DYRK1A: variants seen among roughly 807,000 people sequenced by gnomAD.
DYRK1A encodes the protein dual specificity tyrosine-phosphorylation-regulated kinase 1A.
A neutral mutation model predicts 79.7 loss-of-function variants in DYRK1A; 9 were observed. That is an observed-to-expected ratio of 0.11 (90% CI 0.07 to 0.20). The LOEUF is 0.20. Among genes scored for constraint, DYRK1A ranks in the 10% least tolerant of loss-of-function variants. The pLI, the probability that DYRK1A is intolerant of heterozygous loss-of-function variation, is 1.00. For missense variants in DYRK1A, 622 were observed against 956.0 expected (o/e 0.65, Z 4.61); for synonymous variants, 349 against 329.7 (o/e 1.06, Z -0.63).
chr21:37,473,001 T>A, intron 3 of DYRK1A, 121 bp downstream of exon 3: 1 of 761,948 alleles, frequency 1.3e-6, no homozygotes, highest in Non-Finnish European at 1.9e-6. Flanking sequence ...CGTGGGATTA[T>A]GGATTGGGAA....
Position 37,463,350 on chromosome 21 carries a change from C to G in DYRK1A, c.11-9334C>G, listed in dbSNP as rs116610875. Among the ~76,000 whole-genome samples, 715 of 152,290 alleles carry G rather than the reference C, an allele frequency of 4.7e-3. 4 individuals carry two copies. Among genetic ancestry groups the G allele is most frequent in the African/African-American group, 0.016 (680 of 41,556 alleles). On this transcript the variant is annotated intron_variant, in intron 2 of 11. Coordinates refer to ENST00000647188, the MANE Select transcript of DYRK1A (RefSeq NM_001347721.2). ...ATTAGACTTTTTGCATAGTCACAGT[C>G]ATTGCTTACTTTCACTTTAATATAT...
intron 1 of DYRK1A, among the ~76,000 whole-genome samples, chr21:37,388,492 A>C (rs750223531): frequency 6.6e-6 from 1 of 152,210 alleles, no homozygotes. Context: ...TTCCTTTGTC[A>C]TACCTTTAAA....
intron 1 of DYRK1A, among the ~76,000 whole-genome samples, chr21:37,376,682 C>G (rs2049548792): frequency 1.3e-5 from 2 of 152,130 alleles, no homozygotes; most frequent in African/African-American, 4.8e-5. Context: ...TGATTAACTA[C>G]TGGACTAGAG....
intron 1 of DYRK1A, among the ~76,000 whole-genome samples, chr21:37,391,763 C>T (rs1484119915): frequency 6.6e-6 from 1 of 152,184 alleles, no homozygotes; most frequent in African/African-American, 2.4e-5. Flanking sequence ...TGCAGTTCTG[C>T]CATCTTCCCT....
rs1464544115 is a variant in DYRK1A, at chr21:37,422,783, C to T, written c.10+2399C>T. 3.3e-5 allele frequency among the ~76,000 whole-genome samples: 5 copies of T among 152,144 alleles called. No homozygotes were observed. The East Asian group carries it at 9.6e-4, about 29-fold the overall frequency. On this transcript the variant is annotated intron_variant, in intron 2 of 11. Transcript: ENST00000647188. ...TTAATATATACACAATTTTTATTTTCCAGTTATAACTCAATAAAGCTGGTG... is the reference window on the plus strand; with the variant it reads ...TTAATATATACACAATTTTTATTTTTCAGTTATAACTCAATAAAGCTGGTG...
chr21:37,389,049 A>AT (rs555751812), intron 1 of DYRK1A, among the ~76,000 whole-genome samples: 6 of 148,442 alleles, frequency 4.0e-5, no homozygotes, highest in African/African-American at 5.0e-5. Context: ...AAAAAAAAAA[A>AT]TTTTTTTTTT....
rs1455582542 is a variant in DYRK1A, at chr21:37,518,382, C to A, written c.*5851C>A. ...CTCTAGTGATCGCAAACTGCTCAAT[C>A]GGTACTCATCAATTTAAAATGACTG... On this transcript the variant is annotated 3_prime_UTR_variant, in exon 12 of 12. Transcript: ENST00000647188. 6.6e-6 allele frequency: 1 copy of A among 152,280 alleles called. No individual in the cohort carries two copies. Among genetic ancestry groups the A allele is most frequent in the Admixed American group, 6.5e-5 (1 of 15,296 alleles). The allele number at this position is 152,280 out of a possible 1,614,324, so 9.4% of individuals were successfully genotyped here.
intron 1 of DYRK1A, among the ~76,000 whole-genome samples, chr21:37,417,455 A>G (rs1320976814): frequency 6.6e-6 from 1 of 150,500 alleles, no homozygotes; most frequent in Admixed American, 6.6e-5. Flanking sequence ...CGGCCTCCCA[A>G]AGTGCTGGGA....
At chr21:37,492,974 GT>G (rs1367206416) in intron 7 of DYRK1A, 42 bp from the exon 8 acceptor site, 1 of 1,511,980 alleles carries the variant, frequency 6.6e-7, no homozygotes, top group East Asian at 2.3e-5. Context: ...GCTGACTGCA[GT>G]TTTAAGCAAT....
chr21:37,479,612 GTT>G (rs367673016), intron 4 of DYRK1A, among the ~76,000 whole-genome samples: 1 of 47,160 alleles, frequency 2.1e-5, no homozygotes, highest in Non-Finnish European at 3.7e-5. Flanking sequence ...TTTTGTTTTT[GTT>G]TTTTGTTTTT....
chr21:37,491,049 T>C (rs943426233), intron 7 of DYRK1A, among the ~76,000 whole-genome samples: 4 of 152,174 alleles, frequency 2.6e-5, no homozygotes, highest in Non-Finnish European at 5.9e-5. Context: ...GGTATAAGTA[T>C]AGAAAATTCA....
chr21:37,505,037 G>T (rs2053553685), intron 9 of DYRK1A: 1 of 437,070 alleles, frequency 2.3e-6, no homozygotes, highest in African/African-American at 2.0e-5. Flanking sequence ...TCTGGATCAG[G>T]CCATAGTTTA....
At chr21:37,414,607 A>C (rs1264865338) in intron 1 of DYRK1A, among the ~76,000 whole-genome samples, 1 of 152,156 alleles carries the variant, frequency 6.6e-6, no homozygotes, top group East Asian at 1.9e-4. Context: ...TTTACATACT[A>C]CATACTAAAG....
chr21:37,397,194 C>T (rs144209133), intron 1 of DYRK1A, among the ~76,000 whole-genome samples: 1 of 152,246 alleles, frequency 6.6e-6, no homozygotes, highest in East Asian at 1.9e-4. Context: ...CTAGTTGGGC[C>T]GTCATGTGCT....
At chr21:37,507,272 C>T (rs894932418) in intron 11 of DYRK1A, among the ~76,000 whole-genome samples, 3 of 152,188 alleles carry the variant, frequency 2.0e-5, no homozygotes, top group Non-Finnish European at 4.4e-5. Context: ...GATCCCCTCT[C>T]TCCTGCCATC....
At chr21:37,389,341 T>G (rs1488787456) in intron 1 of DYRK1A, among the ~76,000 whole-genome samples, 1 of 152,140 alleles carries the variant, frequency 6.6e-6, no homozygotes, top group Admixed American at 6.5e-5. Flanking sequence ...TTTTTTAGTA[T>G]TTTTGGTAGA....
Position 37,389,925 on chromosome 21 carries a change from G to GTT in DYRK1A, c.-77+22311_-77+22312dup, listed in dbSNP as rs113974002. 2.7e-3 allele frequency among the ~76,000 whole-genome samples: 359 copies of GTT among 135,090 alleles called. 3 individuals are homozygous for GTT. The highest frequency in any genetic ancestry group is 3.8e-3 in the Admixed American group (51 of 13,498). The allele number at this position is 135,090 out of a possible 152,430, so 88.6% of individuals were successfully genotyped here. On this transcript the variant is annotated intron_variant, in intron 1 of 11. Transcript: ENST00000647188. Reference sequence around the variant, plus strand: ...TATTTACTTATGTATTTTGTTTTTTGTTTTTTTTTTTTTTTAGAGACAGGG... The same window carrying GTT: ...TATTTACTTATGTATTTTGTTTTTTGTTTTTTTTTTTTTTTTTAGAGACAGGG...
chr21:37,398,298 C>T (rs1048919933), intron 1 of DYRK1A, among the ~76,000 whole-genome samples: 3 of 150,732 alleles, frequency 2.0e-5, no homozygotes, highest in Non-Finnish European at 4.4e-5. Context: ...GGTAGGATTG[C>T]ACCTCTGCCT....
chr21:37,414,999 T>G (rs1441561885), intron 1 of DYRK1A, among the ~76,000 whole-genome samples: 2 of 152,176 alleles, frequency 1.3e-5, no homozygotes, highest in Non-Finnish European at 2.9e-5. Context: ...CCCAGAAACT[T>G]CTGTTTCTCC....
Sources: allele counts gnomAD v4.1 joint callset (sites outside exome capture counted in the v4.1 genomes callset), GRCh38; gene constraint gnomAD v4.1.1; transcripts MANE v1.5; gene names NCBI Gene and HGNC (gene_info 2026-07-23, HGNC 2026-07-21).